The following ZNF207 variants were observed in gnomAD, a reference collection of about 807,000 sequenced individuals.
The protein encoded by ZNF207 is BUB3-interacting and GLEBS motif-containing protein ZNF207.
ZNF207 carries 24 observed loss-of-function variants against 60.2 expected under a neutral mutation model. That is an observed-to-expected ratio of 0.40 (90% confidence interval 0.29 to 0.56). The LOEUF (loss-of-function observed/expected upper bound fraction) is 0.56, where lower values mean the gene tolerates loss of function less well. Ranked by LOEUF, ZNF207 falls within the 20% of genes least tolerant of loss-of-function variation. The pLI, the probability that ZNF207 is intolerant of heterozygous loss-of-function variation, is 0.49. For missense variants in ZNF207, 452 were observed against 636.6 expected (o/e 0.71, Z 3.12); for synonymous variants, 236 against 194.7 (o/e 1.21, Z -1.77).
chr17:32,360,840 C>T lies in ZNF207; in HGVS notation c.476-52C>T, dbSNP rs1230389152. ...ATTGTATCGAAGTATTACTTTCTTCCCTCTAACTCTTTAATATTTGTTATT... is the reference window on the plus strand; with the variant it reads ...ATTGTATCGAAGTATTACTTTCTTCTCTCTAACTCTTTAATATTTGTTATT... On this transcript the variant is annotated intron_variant, in intron 4 of 11. Coordinates refer to ENST00000394670, the MANE Select transcript of ZNF207 (RefSeq NM_001098507.2). 81 of 1,611,942 alleles carry T rather than the reference C, an allele frequency of 5.0e-5. 1 individual carries two copies. The highest frequency in any genetic ancestry group is 6.5e-5 in the Non-Finnish European group (77 of 1,178,698).
rs1341053502 is a variant in ZNF207, at chr17:32,381,835, TTGAG to T, written c.*12079_*12082del. On this transcript the variant is annotated 3_prime_UTR_variant, in exon 12 of 12. Transcript: ENST00000394670. Reference sequence around the variant, plus strand: ...GGTTATCTCCTTCACTCATTAACCTTTGAGTGCTTGTTATCTACAAAGATGAATA... The same window carrying T: ...GGTTATCTCCTTCACTCATTAACCTTTGCTTGTTATCTACAAAGATGAATA... 3.9e-5 allele frequency: 6 copies of T among 152,234 alleles called. No individual in the cohort carries two copies. Among genetic ancestry groups the T allele is most frequent in the African/African-American group, 1.4e-4 (6 of 41,458 alleles). The allele number at this position is 152,234 out of a possible 1,614,324, so 9.4% of individuals were successfully genotyped here.
At position 32,376,336 on chromosome 17, in the gene ZNF207, A is replaced by T. The variant is rs149759455; in HGVS notation, c.*6577A>T. The T allele has an allele frequency of 2.0e-3, 299 of 152,208 alleles. 2 individuals carry two copies. Among genetic ancestry groups the T allele is most frequent in the African/African-American group, 6.9e-3 (286 of 41,576 alleles). The allele number at this position is 152,208 out of a possible 1,614,324, so 9.4% of individuals were successfully genotyped here. On this transcript the variant is annotated 3_prime_UTR_variant, in exon 12 of 12. Transcript: ENST00000394670. Reference sequence around the variant, plus strand: ...ATAGATTACGTTTTAAAGTAACATTAAAAAAATTCTTCAGTAAGATAATTG... The same window carrying T: ...ATAGATTACGTTTTAAAGTAACATTTAAAAAATTCTTCAGTAAGATAATTG...
Position 32,377,116 on chromosome 17 carries a change from A to G in ZNF207, c.*7357A>G, listed in dbSNP as rs905539191. ...TTCCCAGTTTACTACACATGGACCA[A>G]TAGTGATTATTTGGGAGAGAACACT... On this transcript the variant is annotated 3_prime_UTR_variant, in exon 12 of 12. Coordinates refer to ENST00000394670, the MANE Select transcript of ZNF207 (RefSeq NM_001098507.2). 1 of 152,066 alleles carries G rather than the reference A, an allele frequency of 6.6e-6. No homozygotes were observed. Among genetic ancestry groups the G allele is most frequent in the Non-Finnish European group, 1.5e-5 (1 of 67,904 alleles). The allele number at this position is 152,066 out of a possible 1,614,324, so 9.4% of individuals were successfully genotyped here.
intron 7 of ZNF207, among the ~76,000 whole-genome samples, chr17:32,364,055 CAG>C (rs200397950): frequency 0.02 from 2,932 of 146,854 alleles, 46 homozygotes; most frequent in Non-Finnish European, 0.029. Flanking sequence ...TTTTTTGAGA[CAG>C]GGTGTTGGTC....
intron 3 of ZNF207, among the ~76,000 whole-genome samples, chr17:32,359,358 G>A (rs146152697): frequency 0.027 from 4,037 of 151,608 alleles, 68 homozygotes; most frequent in African/African-American, 0.048. Context: ...TGATCTGCCC[G>A]CCTCGGCCTC....
chr17:32,363,242 C>T (rs1904983134), intron 7 of ZNF207, among the ~76,000 whole-genome samples: 1 of 151,992 alleles, frequency 6.6e-6, no homozygotes, highest in Non-Finnish European at 1.5e-5. Context: ...CGCCTGCTAC[C>T]ACACCTGGCT....
At position 32,370,704 on chromosome 17, in the gene ZNF207, G is replaced by T. The variant is rs1351668876; in HGVS notation, c.*945G>T. 1 of 152,174 alleles carries T rather than the reference G, an allele frequency of 6.6e-6. No homozygotes were observed. Among genetic ancestry groups the T allele is most frequent in the African/African-American group, 2.4e-5 (1 of 41,426 alleles). 9.4% of individuals were successfully genotyped at this position (152,174 alleles called of 1,614,324 possible). ...TTTCCTTCCTGCTGAGATGTTTAGA[G>T]CCTAGTGCCAGACCCATTCATTTCC... On this transcript the variant is annotated 3_prime_UTR_variant, in exon 12 of 12. Transcript: ENST00000394670.
chr17:32,360,746 A>T lies in ZNF207; in HGVS notation c.456A>T (p.Gly152=). The T allele has an allele frequency of 6.2e-7, 1 of 1,614,132 alleles. No homozygotes were observed. The highest frequency in any genetic ancestry group is 8.5e-7 in the Non-Finnish European group (1 of 1,179,994). Residue 152 remains glycine, a synonymous_variant, in exon 4 of 12, where the codon GGA becomes GGT. Transcript: ENST00000394670. ...AGCCAGGACTGCCACCAGTACCAGG[A>T]GCACCAGGAATGCCTCCAGGTAGCA... ...MAQPGLPPVP[G]APGMPPGIPP...
At chr17:32,366,854 T>C in intron 9 of ZNF207, 97 bp downstream of exon 9, 1 of 1,130,826 alleles carries the variant, frequency 8.8e-7, no homozygotes, top group Non-Finnish European at 1.2e-6. Flanking sequence ...AAAAATATAC[T>C]GTGTTTACTT....
chr17:32,375,889 A>C lies in ZNF207; in HGVS notation c.*6130A>C, dbSNP rs1905658663. On this transcript the variant is annotated 3_prime_UTR_variant, in exon 12 of 12. Transcript: ENST00000394670. ...ATAGGGCAGATTTTTATAAGTAAAC[A>C]TTCCCCCAATTCCACTTATGCTAAC... is the stretch of plus-strand genomic sequence containing the variant. 1 of 152,116 alleles carries C rather than the reference A, an allele frequency of 6.6e-6. No individual in the cohort carries two copies. The allele number at this position is 152,116 out of a possible 1,614,324, so 9.4% of individuals were successfully genotyped here. A position where few individuals can be genotyped will look rare whatever the true frequency, so the allele number is the denominator to read the frequency against.
intron 3 of ZNF207, among the ~76,000 whole-genome samples, chr17:32,359,827 G>A (rs1904753483): frequency 6.6e-6 from 1 of 152,096 alleles, no homozygotes; most frequent in African/African-American, 2.4e-5. Flanking sequence ...GAGCCCAAGG[G>A]GTTGAGGCTT....
chr17:32,356,394 G>A lies in ZNF207; in HGVS notation c.169-2109G>A, dbSNP rs561695088. Among the ~76,000 whole-genome samples the A allele has an allele frequency of 3.3e-5, 5 of 152,194 alleles. No individual in the cohort carries two copies. In the East Asian group the frequency reaches 9.6e-4, roughly 29 times the overall value. On this transcript the variant is annotated intron_variant, in intron 2 of 11. Coordinates refer to ENST00000394670, the MANE Select transcript of ZNF207 (RefSeq NM_001098507.2). ...AATATTCCAAAAAACCTTAGGAAAC[G>A]GCAATTAAGTCACTTGTTAAGCCGC...
rs760087483 is a variant in ZNF207 at position 32,378,989 on chromosome 17, A to T, written c.*9230A>T. 41 of 152,152 alleles carry T rather than the reference A, an allele frequency of 2.7e-4. No homozygotes were observed. The highest frequency in any genetic ancestry group is 4.4e-4 in the Non-Finnish European group (30 of 67,958). The allele number at this position is 152,152 out of a possible 1,614,324, so 9.4% of individuals were successfully genotyped here. ...AGCTGGATGGTGATTAGCCATTGTG[A>T]AAACAGATTATATGGAAATTGTGCA... is the stretch of plus-strand genomic sequence containing the variant. On this transcript the variant is annotated 3_prime_UTR_variant, in exon 12 of 12. Coordinates refer to ENST00000394670, the MANE Select transcript of ZNF207 (RefSeq NM_001098507.2).
Position 32,360,607 on chromosome 17 carries a change from AAAAG to A in ZNF207, c.320_323del (p.Lys107SerfsTer56). On this transcript the variant is annotated frameshift_variant, in exon 4 of 12. Coordinates refer to ENST00000394670, the MANE Select transcript of ZNF207 (RefSeq NM_001098507.2). LOFTEE classifies it high-confidence loss of function. Reference sequence around the variant, plus strand: ...TTTTTTTTTTTAACAGAAAGTCAAAAAAAGAAGCAACAAGATGATTCTGATGAAT... The same window carrying A: ...TTTTTTTTTTTAACAGAAAGTCAAAAAAGCAACAAGATGATTCTGATGAAT... The A allele has an allele frequency of 6.3e-7, 1 of 1,590,990 alleles. No homozygotes were observed. Among genetic ancestry groups the A allele is most frequent in the Non-Finnish European group, 8.5e-7 (1 of 1,173,842 alleles).
chr17:32,359,783 G>A (rs908745105), intron 3 of ZNF207, among the ~76,000 whole-genome samples: 1 of 152,186 alleles, frequency 6.6e-6, no homozygotes, highest in East Asian at 1.9e-4. Context: ...GGTGGCACAT[G>A]CCTATAGTCT....
intron 7 of ZNF207, among the ~76,000 whole-genome samples, chr17:32,364,108 C>T (rs1905041022): frequency 6.6e-6 from 1 of 151,718 alleles, no homozygotes; most frequent in Non-Finnish European, 1.5e-5. Flanking sequence ...TCATAGCTCA[C>T]TGCAGCCGCA....
At chr17:32,365,083 C>T (rs1905099854) in intron 7 of ZNF207, among the ~76,000 whole-genome samples, 1 of 152,186 alleles carries the variant, frequency 6.6e-6, no homozygotes, top group Non-Finnish European at 1.5e-5. Flanking sequence ...GACCAGTAAG[C>T]ATAATTGCCA....
At position 32,376,027 on chromosome 17, in the gene ZNF207, C is replaced by G. The variant is rs1194155120; in HGVS notation, c.*6268C>G. The G allele has an allele frequency of 6.6e-6, 1 of 152,016 alleles. No individual in the cohort carries two copies. The highest frequency in any genetic ancestry group is 2.4e-5 in the African/African-American group (1 of 41,436). The allele number at this position is 152,016 out of a possible 1,614,324, so 9.4% of individuals were successfully genotyped here. A position where few individuals can be genotyped will look rare whatever the true frequency, so the allele number is the denominator to read the frequency against. ...TTTGTTTTTATAGCAAAGAAATCAT[C>G]TGACTTTTCTGTGTGATGTTTCTTG... is the stretch of plus-strand genomic sequence containing the variant. On this transcript the variant is annotated 3_prime_UTR_variant, in exon 12 of 12. Transcript: ENST00000394670.
chr17:32,370,846 ATATTATTCT>A lies in ZNF207; in HGVS notation c.*1088_*1096del, dbSNP rs1905434936. On this transcript the variant is annotated 3_prime_UTR_variant, in exon 12 of 12. Transcript: ENST00000394670. ...TCTTGTGCTGTTAATGGGTTATTATATATTATTCTAAGTGTAATGCTGAGAATCTAAATG... is the reference window on the plus strand; with the variant it reads ...TCTTGTGCTGTTAATGGGTTATTATAAAGTGTAATGCTGAGAATCTAAATG... 1 of 152,196 alleles carries A rather than the reference ATATTATTCT, an allele frequency of 6.6e-6. No individual in the cohort carries two copies. Among genetic ancestry groups the A allele is most frequent in the Admixed American group, 6.5e-5 (1 of 15,282 alleles). 9.4% of individuals were successfully genotyped at this position (152,196 alleles called of 1,614,324 possible).
Sources: allele counts gnomAD v4.1 joint callset (sites outside exome capture counted in the v4.1 genomes callset), GRCh38; gene constraint gnomAD v4.1.1; transcripts MANE v1.5; gene names NCBI Gene and HGNC (gene_info 2026-07-23, HGNC 2026-07-21).